Variants in GPC6 observed in about 807,000 individuals in gnomAD.
GPC6 encodes the protein glypican 6.
In GPC6, 14 loss-of-function variants were observed where a neutral mutation model predicts 55.2. The ratio of observed to expected loss-of-function variants is 0.25; its 90% CI spans 0.17 to 0.40. The LOEUF (loss-of-function observed/expected upper bound fraction) is 0.40, where lower values mean the gene tolerates loss of function less well. Among genes scored for constraint, GPC6 ranks in the 10% least tolerant of loss-of-function variants. GPC6 has a pLI of 1.00. For synonymous variants in GPC6, 278 were observed against 259.6 expected, an observed-to-expected ratio of 1.07 and a Z score of -0.68; for missense variants, 641 against 708.5, an observed-to-expected ratio of 0.90 and a Z score of 1.08.
At chr13:93,350,709 G>A (rs1049907274) in intron 1 of GPC6, among the ~76,000 whole-genome samples, 3 of 152,076 alleles carry the variant, frequency 2.0e-5, no homozygotes, top group African/African-American at 7.2e-5. Context: ...CGAAGACCCA[G>A]AGAATCTTAA....
intron 2 of GPC6, among the ~76,000 whole-genome samples, chr13:93,607,467 C>T (rs1041632761): frequency 1.3e-5 from 2 of 152,126 alleles, no homozygotes; most frequent in Non-Finnish European, 2.9e-5. Flanking sequence ...TTGGAAAGGG[C>T]CTTGCCCCAC....
intron 1 of GPC6, among the ~76,000 whole-genome samples, chr13:93,466,944 A>G (rs1878926214): frequency 6.6e-6 from 1 of 152,212 alleles, no homozygotes; most frequent in Non-Finnish European, 1.5e-5. Flanking sequence ...AATGCTTGAG[A>G]ACAAGTATTA....
At chr13:94,275,416 C>T (rs1475736884) in intron 4 of GPC6, among the ~76,000 whole-genome samples, 1 of 151,926 alleles carries the variant, frequency 6.6e-6, no homozygotes, top group Non-Finnish European at 1.5e-5. Flanking sequence ...GAGAATATTC[C>T]AGGAAGAAGG....
At chr13:93,617,460 A>G (rs906769764) in intron 2 of GPC6, among the ~76,000 whole-genome samples, 4 of 152,230 alleles carry the variant, frequency 2.6e-5, no homozygotes, top group Non-Finnish European at 4.4e-5. Context: ...TTAAATAGAT[A>G]AAGCAACATT....
chr13:93,954,753 C>T (rs1212049621), intron 3 of GPC6, among the ~76,000 whole-genome samples: 1 of 152,136 alleles, frequency 6.6e-6, no homozygotes, highest in Non-Finnish European at 1.5e-5. Context: ...TTCATTCATT[C>T]TGGTTTTTGT....
chr13:93,665,854 TG>T (rs1380966987), intron 2 of GPC6, among the ~76,000 whole-genome samples: 4 of 152,192 alleles, frequency 2.6e-5, no homozygotes, highest in Admixed American at 2.6e-4. Context: ...GCCACTTTAA[TG>T]ATAAGTACCA....
At chr13:94,106,271 G>C (rs1259192544) in intron 4 of GPC6, among the ~76,000 whole-genome samples, 1 of 152,180 alleles carries the variant, frequency 6.6e-6, no homozygotes, top group Non-Finnish European at 1.5e-5. Flanking sequence ...AATGTGTAAG[G>C]TCATGGTCAA....
At chr13:93,793,683 A>G (rs956020440) in intron 2 of GPC6, among the ~76,000 whole-genome samples, 1 of 152,210 alleles carries the variant, frequency 6.6e-6, no homozygotes, top group Non-Finnish European at 1.5e-5. Flanking sequence ...TACTTTTATG[A>G]TGGTGATGAA....
At chr13:93,349,631 A>C (rs1880560713) in intron 1 of GPC6, among the ~76,000 whole-genome samples, 1 of 152,182 alleles carries the variant, frequency 6.6e-6, no homozygotes, top group African/African-American at 2.4e-5. Context: ...AAACATATTA[A>C]TCTTTTAAGA....
intron 1 of GPC6, among the ~76,000 whole-genome samples, chr13:93,539,541 G>A (rs1231893218): frequency 3.9e-5 from 6 of 152,086 alleles, no homozygotes; most frequent in Non-Finnish European, 7.4e-5. Flanking sequence ...GGAATTGGAT[G>A]CTGTCAGAAA....
At chr13:93,307,394 G>T (rs1166749348) in intron 1 of GPC6, among the ~76,000 whole-genome samples, 1 of 152,134 alleles carries the variant, frequency 6.6e-6, no homozygotes, top group Non-Finnish European at 1.5e-5. Flanking sequence ...TGGGAAGAGG[G>T]ATGAAATTTA....
chr13:93,803,440 T>A (rs1002004574), intron 2 of GPC6, among the ~76,000 whole-genome samples: 42 of 152,264 alleles, frequency 2.8e-4, no homozygotes, highest in African/African-American at 9.9e-4. Context: ...ACAACAAGTA[T>A]TGGTGGGAAA....
At chr13:93,675,763 A>T (rs1881562959) in intron 2 of GPC6, among the ~76,000 whole-genome samples, 1 of 152,136 alleles carries the variant, frequency 6.6e-6, no homozygotes, top group East Asian at 1.9e-4. Context: ...AAGAATGTTG[A>T]TTACTCCACA....
At chr13:93,403,185 T>C (rs1189483573) in intron 1 of GPC6, among the ~76,000 whole-genome samples, 1 of 152,170 alleles carries the variant, frequency 6.6e-6, no homozygotes, top group Non-Finnish European at 1.5e-5. Context: ...ATTAAACCAT[T>C]ACAAAGATAT....
intron 4 of GPC6, among the ~76,000 whole-genome samples, chr13:94,209,745 T>C (rs972589306): frequency 2.6e-5 from 4 of 152,148 alleles, no homozygotes; most frequent in African/African-American, 7.2e-5. Context: ...AGAAAATAAA[T>C]GACTAAAGAT....
At chr13:93,268,503 G>A (rs1566271917) in intron 1 of GPC6, among the ~76,000 whole-genome samples, 2 of 152,130 alleles carry the variant, frequency 1.3e-5, no homozygotes, top group East Asian at 3.9e-4. Context: ...TGCAAGTACA[G>A]TTCCTGCCTG....
intron 4 of GPC6, among the ~76,000 whole-genome samples, chr13:94,152,221 T>A (rs1316100228): frequency 1.3e-5 from 2 of 152,194 alleles, no homozygotes; most frequent in African/African-American, 4.8e-5. Flanking sequence ...CTTCCAAACC[T>A]CCTTTTCTTT....
chr13:94,097,159 A>T (rs1362739369), intron 4 of GPC6, among the ~76,000 whole-genome samples: 2 of 152,000 alleles, frequency 1.3e-5, no homozygotes, highest in African/African-American at 4.8e-5. Context: ...AATGTGTGTG[A>T]AAGTAGTTTA....
At chr13:94,367,880 A>G (rs1440974178) in intron 6 of GPC6, among the ~76,000 whole-genome samples, 2 of 151,948 alleles carry the variant, frequency 1.3e-5, no homozygotes, top group Admixed American at 1.3e-4. Flanking sequence ...GCCGGGCACC[A>G]TGGCTCACAC....
Sources: gnomAD v4.1 joint callset for allele counts (sites outside exome capture counted in the v4.1 genomes callset) on GRCh38, gnomAD v4.1.1 for gene constraint, MANE v1.5 for transcripts, NCBI Gene and HGNC (gene_info 2026-07-23, HGNC 2026-07-21) for gene names.